The following ACSM1 variants were observed in gnomAD, a reference collection of about 807,000 sequenced individuals.
ACSM1 encodes acyl-coenzyme A synthetase ACSM1, mitochondrial.
In ACSM1, 79 loss-of-function variants were observed where a neutral mutation model predicts 75.8. That is an observed-to-expected ratio of 1.04 (90% CI 0.87 to 1.26). ACSM1 has a LOEUF of 1.26. ACSM1 is among the 50% of genes most tolerant of loss of function. The pLI is 0.00. For missense variants in ACSM1, 676 were observed against 720.1 expected, an observed-to-expected ratio of 0.94 and a Z score of 0.70; for synonymous variants, 279 against 265.8, an observed-to-expected ratio of 1.05 and a Z score of -0.48.
intron 7 of ACSM1, 97 bp from the exon 8 acceptor site, chr16:20,640,681 T>G: frequency 6.4e-7 from 1 of 1,552,170 alleles, no homozygotes; most frequent in Non-Finnish European, 8.7e-7. Flanking sequence ...ATCCTTCTAG[T>G]TCCTCACTTT....
Position 20,691,252 on chromosome 16 carries a change from T to A in ACSM1, c.-51-13A>T. On this transcript the variant is annotated splice_polypyrimidine_tract_variant and intron_variant, in intron 1 of 13. Transcript: ENST00000520010. ...AGTCACCACCTGCCTTGGGAAGAGA[T>A]GGCTAATAGATTGGCTGTGTATCCA... 7.3e-7 allele frequency: 1 copy of A among 1,364,508 alleles called. No individual in the cohort carries two copies. The highest frequency in any genetic ancestry group is 1.5e-5 in the African/African-American group (1 of 66,818). The allele number at this position is 1,364,508 out of a possible 1,614,324, so 84.5% of individuals were successfully genotyped here. A position where few individuals can be genotyped will look rare whatever the true frequency, so the allele number is the denominator to read the frequency against.
rs776190632 is a variant in ACSM1 at position 20,671,557 on chromosome 16, C to T, written c.726G>A (p.Leu242=). ...FPKMAKHSHG[L]ALQPSFPGSR... The stretch of plus-strand genomic sequence containing the variant: ...TTCCTGGGAAGGAGGGTTGTAAGGC[C>T]AACCCATGGGAGTGTTTTGCCATCT... The change falls in exon 5 of 14, where the codon TTG becomes TTA. Residue 242 remains leucine (L), a synonymous_variant. Transcript: ENST00000520010. The T allele has an allele frequency of 2.9e-5, 46 of 1,612,566 alleles. 2 individuals carry two copies. The South Asian group carries it at 5.0e-4, about 17-fold the overall frequency.
intron 10 of ACSM1, among the ~76,000 whole-genome samples, chr16:20,634,265 T>C (rs1426664748): frequency 6.6e-6 from 1 of 152,216 alleles, no homozygotes; most frequent in African/African-American, 2.4e-5. Flanking sequence ...GGTGCAGCCA[T>C]TGTGAAAGTG....
chr16:20,667,724 C>T (rs112303929), intron 6 of ACSM1, among the ~76,000 whole-genome samples: 3,320 of 152,174 alleles, frequency 0.022, 50 homozygotes, highest in Non-Finnish European at 0.037. Context: ...GTGCTATTCA[C>T]AATAGCAAAG....
chr16:20,639,747 A>G (rs961941108), intron 8 of ACSM1, among the ~76,000 whole-genome samples: 3 of 152,204 alleles, frequency 2.0e-5, no homozygotes, highest in Non-Finnish European at 4.4e-5. Flanking sequence ...CACATGTGGC[A>G]TAATTCAGCA....
At chr16:20,686,207 GA>G (rs141068434) in intron 2 of ACSM1, among the ~76,000 whole-genome samples, 2,372 of 151,992 alleles carry the variant, frequency 0.016, 61 homozygotes, top group African/African-American at 0.054. Flanking sequence ...CTAAATTTTT[GA>G]AAAAAATTTT....
At chr16:20,692,246 G>C (rs1288718131) in intron 1 of ACSM1, among the ~76,000 whole-genome samples, 1 of 152,200 alleles carries the variant, frequency 6.6e-6, no homozygotes, top group Admixed American at 6.5e-5. Context: ...GAAATCCTGA[G>C]ACTATGTGGC....
rs1293267868 is a variant in ACSM1, at chr16:20,629,487, C to T, written c.1300-2171G>A. On this transcript the variant is annotated intron_variant, in intron 10 of 13. Coordinates refer to ENST00000520010, the MANE Select transcript of ACSM1 (RefSeq NM_001318890.3). Reference sequence around the variant, plus strand: ...GTGTCACTACAAAAAGGAAACTAAACGTAAAAGAAGGCAGTTATAAAGGAA... The same window carrying T: ...GTGTCACTACAAAAAGGAAACTAAATGTAAAAGAAGGCAGTTATAAAGGAA... Among the ~76,000 whole-genome samples the T allele has an allele frequency of 4.6e-5, 7 of 151,858 alleles. No individual in the cohort carries two copies. In the East Asian group the frequency reaches 5.8e-4, roughly 13 times the overall value.
chr16:20,677,521 T>A (rs923563350), intron 4 of ACSM1, among the ~76,000 whole-genome samples: 3 of 152,202 alleles, frequency 2.0e-5, no homozygotes, highest in Non-Finnish European at 4.4e-5. Context: ...TTGCTCCTCA[T>A]CAAGTCAGTA....
At chr16:20,678,135 C>A (rs2079350215) in intron 4 of ACSM1, among the ~76,000 whole-genome samples, 1 of 152,070 alleles carries the variant, frequency 6.6e-6, no homozygotes, top group South Asian at 2.1e-4. Context: ...CTGTAGATCC[C>A]AAGCTACACT....
intron 2 of ACSM1, among the ~76,000 whole-genome samples, chr16:20,685,852 A>AAAAAAAT (rs2079545195): frequency 1.3e-5 from 2 of 148,154 alleles, no homozygotes; most frequent in Non-Finnish European, 3.0e-5. Flanking sequence ...AAAAACAAAA[A>AAAAAAAT]ACTTATAGCA....
At chr16:20,649,545 T>TTC (rs146266221) in intron 7 of ACSM1, among the ~76,000 whole-genome samples, 26 of 150,098 alleles carry the variant, frequency 1.7e-4, no homozygotes, top group African/African-American at 4.9e-4. Context: ...TTACAACCTG[T>TTC]TCTCTCTCTC....
intron 10 of ACSM1, among the ~76,000 whole-genome samples, chr16:20,629,363 A>T (rs923448008): frequency 1.3e-5 from 2 of 152,202 alleles, no homozygotes; most frequent in African/African-American, 2.4e-5. Flanking sequence ...TATTAATTCA[A>T]ATTAGATTGT....
In ACSM1 at chr16:20,633,780, A is replaced by G. The variant is rs2017491707; in HGVS notation, c.1299+2959T>C. On this transcript the variant is annotated intron_variant, in intron 10 of 13. Coordinates refer to ENST00000520010, the MANE Select transcript of ACSM1 (RefSeq NM_001318890.3). Reference sequence around the variant, plus strand: ...CGCGGTAGCTCACATCCATAATCCCAGCACTTTGGGAAGCCTAAGGCAGGT... The same window carrying G: ...CGCGGTAGCTCACATCCATAATCCCGGCACTTTGGGAAGCCTAAGGCAGGT... Among the ~76,000 whole-genome samples, 3 of 152,186 alleles carry G rather than the reference A, an allele frequency of 2.0e-5. No homozygotes were observed. In the South Asian group the frequency reaches 6.2e-4, roughly 32 times the overall value.
intron 10 of ACSM1, among the ~76,000 whole-genome samples, chr16:20,629,588 C>T (rs557448888): frequency 5.9e-5 from 9 of 152,266 alleles, no homozygotes; most frequent in African/African-American, 2.2e-4. Flanking sequence ...TCAGTAATTA[C>T]TTTAAATGTA....
chr16:20,658,530 A>G (rs926883608), intron 7 of ACSM1, among the ~76,000 whole-genome samples: 42 of 152,144 alleles, frequency 2.8e-4, no homozygotes, highest in African/African-American at 9.7e-4. Flanking sequence ...TCTGGCCTAG[A>G]ACAATTAATT....
rs116154338 is a variant in ACSM1 at position 20,676,587 on chromosome 16, C to T, written c.612-4916G>A. On this transcript the variant is annotated intron_variant, in intron 4 of 13. Coordinates refer to ENST00000520010, the MANE Select transcript of ACSM1 (RefSeq NM_001318890.3). ...CTTATTAAAGTGGTTACAAGGTGTACATTAACTGAGTTCAGGAGGCAGAGA... is the reference window on the plus strand; with the variant it reads ...CTTATTAAAGTGGTTACAAGGTGTATATTAACTGAGTTCAGGAGGCAGAGA... Among the ~76,000 whole-genome samples, 212 of 152,172 alleles carry T rather than the reference C, an allele frequency of 1.4e-3. 2 individuals are homozygous for T. The highest frequency in any genetic ancestry group is 4.8e-3 in the African/African-American group (199 of 41,498).
intron 10 of ACSM1, among the ~76,000 whole-genome samples, chr16:20,629,990 C>CAAAAAA (rs558208317): frequency 2.5e-5 from 2 of 81,026 alleles, no homozygotes; most frequent in Admixed American, 1.4e-4. Context: ...GACTCCAACT[C>CAAAAAA]AAAAAAAAAA....
At position 20,682,421 on chromosome 16, in the gene ACSM1, T is replaced by A. The variant is rs200574024; in HGVS notation, c.446A>T (p.Asp149Val). 5.5e-5 allele frequency: 89 copies of A among 1,613,876 alleles called. No individual in the cohort carries two copies. In the East Asian group the frequency reaches 1.2e-3, roughly 23 times the overall value. Reference protein sequence around the residue: ...IPATILLKAKDILYRLQLSKA... With the variant: ...IPATILLKAKVILYRLQLSKA... ...AGACAACTGTAGTCGATAGAGAATG[T>A]CTTTGGCCTTCAACAGGATGGTCGC... Residue 149 changes from aspartate (D) to valine (V), a missense_variant, in exon 4 of 14, where the codon GAC (aspartate) becomes GTC (valine). Coordinates refer to ENST00000520010, the MANE Select transcript of ACSM1 (RefSeq NM_001318890.3).
Sources: gnomAD v4.1 joint callset for allele counts (sites outside exome capture counted in the v4.1 genomes callset) on GRCh38, gnomAD v4.1.1 for gene constraint, MANE v1.5 for transcripts, NCBI Gene and HGNC (gene_info 2026-07-23, HGNC 2026-07-21) for gene names.